HYDIN: variants seen among roughly 807,000 people sequenced by gnomAD.
The protein encoded by HYDIN is HYDIN axonemal central pair apparatus protein.
In HYDIN, 132 loss-of-function variants were observed where a neutral mutation model predicts 403.9. That is an observed-to-expected ratio of 0.33 (90% CI 0.28 to 0.38). The LOEUF (loss-of-function observed/expected upper bound fraction) is 0.38. HYDIN is among the 10% of genes least tolerant of loss of function. HYDIN has a pLI of 1.00. For synonymous variants in HYDIN, 1,202 were observed against 1,891.7 expected, an observed-to-expected ratio of 0.64 and a Z score of 9.46; for missense variants, 2,827 against 5,009.5, an observed-to-expected ratio of 0.56 and a Z score of 13.15.
intron 83 of HYDIN, among the ~76,000 whole-genome samples, chr16:70,824,560 C>T: frequency 6.6e-6 from 1 of 151,340 alleles, no homozygotes; most frequent in East Asian, 1.9e-4. Flanking sequence ...CAGGGTCTTG[C>T]TCTGTTGCCC....
chr16:71,046,478 T>TA (rs1416833062), intron 18 of HYDIN, among the ~76,000 whole-genome samples: 1 of 151,798 alleles, frequency 6.6e-6, no homozygotes, highest in African/African-American at 2.4e-5. Flanking sequence ...TTCAATGTCC[T>TA]AACACCCCAG....
At chr16:70,871,303 C>T (rs1347825119) in intron 65 of HYDIN, among the ~76,000 whole-genome samples, 1 of 152,134 alleles carries the variant, frequency 6.6e-6, no homozygotes, top group Non-Finnish European at 1.5e-5. Context: ...GCTCCATCCC[C>T]CTCGAGTACT....
At chr16:70,850,689 T>C (rs754479023) in intron 73 of HYDIN, 34 bp from the exon 74 acceptor site, 1 of 1,450,076 alleles carries the variant, frequency 6.9e-7, no homozygotes, top group South Asian at 1.2e-5. Flanking sequence ...ATTACCTGAC[T>C]AGGCCAACTT....
rs2087175577 is a variant in HYDIN at position 71,186,817 on chromosome 16, T to G, written c.79A>C (p.Lys27Gln). ...LVNMFKGFQS[K>Q]VLPPLSPKVV... ...TTTGGACTCAGGGGTGGCAAAACCT[T>G]GCTTTGAAATCCTTTGAACATATTG... Residue 27 changes from lysine to glutamine, a missense_variant, in exon 2 of 86, where the codon AAG (lysine) becomes CAG (glutamine). By Grantham distance (53) the Lys-to-Gln change is moderately conservative. Transcript: ENST00000393567. 1 of 1,613,456 alleles carries G rather than the reference T, an allele frequency of 6.2e-7. No homozygotes were observed. Among genetic ancestry groups the G allele is most frequent in the African/African-American group, 1.3e-5 (1 of 74,886 alleles).
intron 83 of HYDIN, among the ~76,000 whole-genome samples, chr16:70,820,028 G>A (rs1597036708): frequency 7.2e-6 from 1 of 138,346 alleles, no homozygotes; most frequent in East Asian, 2.1e-4. Context: ...CACCGTGTTA[G>A]TCAGGATGGT....
At chr16:70,848,141 CTAT>C (rs2038350480) in intron 75 of HYDIN, among the ~76,000 whole-genome samples, 1 of 141,472 alleles carries the variant, frequency 7.1e-6, no homozygotes, top group Admixed American at 7.2e-5. Context: ...TTCATTTCAG[CTAT>C]TATGTTTTTC....
At chr16:71,220,293 A>G (rs900449880) in intron 1 of HYDIN, among the ~76,000 whole-genome samples, 1 of 152,224 alleles carries the variant, frequency 6.6e-6, no homozygotes, top group East Asian at 1.9e-4. Flanking sequence ...GTGAAACTAT[A>G]TAACTACTAA....
At chr16:70,818,072 A>C (rs2035960378) in intron 84 of HYDIN, among the ~76,000 whole-genome samples, 1 of 152,240 alleles carries the variant, frequency 6.6e-6, no homozygotes, top group East Asian at 1.9e-4. Flanking sequence ...AAGAAAAAAC[A>C]AGAAAAATAC....
intron 7 of HYDIN, among the ~76,000 whole-genome samples, chr16:71,139,936 A>T (rs1315085806): frequency 6.6e-6 from 1 of 152,108 alleles, no homozygotes; most frequent in Non-Finnish European, 1.5e-5. Context: ...TCAGACCTGA[A>T]TATATTGCAG....
At chr16:71,221,234 A>G (rs1008586389) in intron 1 of HYDIN, among the ~76,000 whole-genome samples, 7 of 151,402 alleles carry the variant, frequency 4.6e-5, no homozygotes, top group Non-Finnish European at 1.0e-4. Context: ...ATTCCTTGGC[A>G]CCTAACAGAG....
chr16:70,855,685 T>C (rs1458805738), intron 72 of HYDIN, among the ~76,000 whole-genome samples: 2 of 152,288 alleles, frequency 1.3e-5, no homozygotes, highest in Admixed American at 6.5e-5. Flanking sequence ...ACCTTTGGTA[T>C]TGGCATGAGT....
intron 2 of HYDIN, 34 bp downstream of exon 2, chr16:71,186,727 A>C (rs2087170085): frequency 3.8e-6 from 6 of 1,563,584 alleles, no homozygotes; most frequent in East Asian, 2.2e-5. Context: ...AGATTGCATT[A>C]AGTATTTTAC....
At chr16:71,223,861 C>G (rs1055281635) in intron 1 of HYDIN, among the ~76,000 whole-genome samples, 1 of 152,174 alleles carries the variant, frequency 6.6e-6, no homozygotes, top group African/African-American at 2.4e-5. Context: ...AAAGGGAATA[C>G]TTCTACACTA....
At chr16:70,954,296 C>A (rs1023059967) in intron 40 of HYDIN, among the ~76,000 whole-genome samples, 1 of 106,924 alleles carries the variant, frequency 9.4e-6, no homozygotes, top group Non-Finnish European at 1.9e-5. Context: ...GACAACATAG[C>A]GAGACCCTAA....
rs1317264912 is a variant in HYDIN, at chr16:70,881,524, C to T, written c.10215+1136G>A. ...TTGGGAGGCTGAGGCAGGAGAATGG[C>T]GTGAACCTGGGAGGCAGAGCTTGCA... On this transcript the variant is annotated intron_variant, in intron 60 of 85. Transcript: ENST00000393567. Among the ~76,000 whole-genome samples the T allele has an allele frequency of 4.8e-5, 7 of 145,070 alleles. No individual in the cohort carries two copies. The East Asian group carries it at 7.9e-4, about 16-fold the overall frequency.
chr16:70,925,019 C>T (rs1230221234), intron 45 of HYDIN, among the ~76,000 whole-genome samples: 3 of 152,078 alleles, frequency 2.0e-5, no homozygotes, highest in East Asian at 1.9e-4. Context: ...GAAATAGCCC[C>T]GCCCTCCCAG....
chr16:70,842,668 A>G (rs1276092943), intron 75 of HYDIN, among the ~76,000 whole-genome samples: 9 of 151,748 alleles, frequency 5.9e-5, no homozygotes, highest in Non-Finnish European at 8.8e-5. Context: ...GATTTTTCCC[A>G]TTATTCTGCC....
intron 6 of HYDIN, among the ~76,000 whole-genome samples, chr16:71,153,702 C>CCT (rs1467100529): frequency 6.8e-6 from 1 of 146,860 alleles, no homozygotes; most frequent in Non-Finnish European, 1.5e-5. Context: ...CTAGAGCAAA[C>CCT]TGAAGAAGGG....
chr16:71,062,359 A>G (rs1463792146), intron 16 of HYDIN, 26 bp from the exon 17 acceptor site: 1 of 1,587,940 alleles, frequency 6.3e-7, no homozygotes, highest in Non-Finnish European at 8.6e-7. Flanking sequence ...CCAGAGGGGT[A>G]AGGACAGCAC....
Sources: gnomAD v4.1 joint callset for allele counts (sites outside exome capture counted in the v4.1 genomes callset) on GRCh38, gnomAD v4.1.1 for gene constraint, MANE v1.5 for transcripts, NCBI Gene and HGNC (gene_info 2026-07-23, HGNC 2026-07-21) for gene names.